ACTR3C: variants seen among roughly 807,000 people sequenced by gnomAD.
ACTR3C encodes the protein actin-related protein 3C.
A neutral mutation model predicts 26.3 loss-of-function variants in ACTR3C; 18 were observed. The observed-to-expected ratio is 0.68, with a 90% CI of 0.47 to 1.01. The LOEUF (loss-of-function observed/expected upper bound fraction) is 1.01, where lower values mean the gene tolerates loss of function less well. Among genes scored for constraint, ACTR3C ranks in the 50% least tolerant of loss-of-function variants. ACTR3C has a pLI of 0.00. For synonymous variants in ACTR3C, 55 were observed against 94.5 expected (o/e 0.58, Z 2.42); for missense variants, 184 against 250.7 (o/e 0.73, Z 1.80).
the ACTR3C span, among the ~76,000 whole-genome samples, chr7:149,934,792 C>T: frequency 1.4e-5 from 2 of 142,380 alleles, no homozygotes; most frequent in East Asian, 2.1e-4. Flanking sequence ...CTCTGAGTTT[C>T]GAGATGAACC....
the ACTR3C span, among the ~76,000 whole-genome samples, chr7:149,947,730 T>A: frequency 7.0e-6 from 1 of 142,498 alleles, no homozygotes; most frequent in African/African-American, 3.0e-5. Flanking sequence ...GTAAAGGCAC[T>A]GCAATTGTTC....
chr7:150,163,153 C>CA, the ACTR3C span, among the ~76,000 whole-genome samples: 2,493 of 131,252 alleles, frequency 0.019, 51 homozygotes, highest in African/African-American at 0.066. Context: ...GACTCAGTCT[C>CA]AAAAAAAAGA....
chr7:150,323,243 G>A, intron 1 of ACTR3C: 2 of 239,992 alleles, frequency 8.3e-6, no homozygotes, highest in South Asian at 8.0e-5. Flanking sequence ...GCGAGGCGGG[G>A]GGTGCGCGCG....
intron 1 of ACTR3C, among the ~76,000 whole-genome samples, chr7:150,299,488 A>AACG (rs1563196687): frequency 6.9e-6 from 1 of 144,148 alleles, no homozygotes; most frequent in African/African-American, 2.8e-5. Context: ...AAAAAAAAAA[A>AACG]AAAAAACAAA....
At chr7:149,974,527 C>T in the ACTR3C span, among the ~76,000 whole-genome samples, 20 of 152,192 alleles carry the variant, frequency 1.3e-4, no homozygotes, top group African/African-American at 4.1e-4. Context: ...TACATTTCCA[C>T]GTCACCACTG....
At chr7:150,085,000 G>C in the ACTR3C span, among the ~76,000 whole-genome samples, 2 of 152,130 alleles carry the variant, frequency 1.3e-5, no homozygotes, top group Non-Finnish European at 2.9e-5. Context: ...GGTTAAATGA[G>C]GTGAAAGGGA....
At chr7:150,003,369 T>A in the ACTR3C span, among the ~76,000 whole-genome samples, 1 of 116 alleles carries the variant, frequency 8.6e-3, no homozygotes, top group Admixed American at 0.083. Context: ...GTGTGTGCTG[T>A]GTGTGTGATG....
At chr7:150,135,284 A>C in the ACTR3C span, among the ~76,000 whole-genome samples, 1 of 152,272 alleles carries the variant, frequency 6.6e-6, no homozygotes, top group African/African-American at 2.4e-5. Flanking sequence ...AAAATAAAAA[A>C]TAAAAAATAA....
chr7:149,952,107 T>C, the ACTR3C span, among the ~76,000 whole-genome samples: 2 of 151,410 alleles, frequency 1.3e-5, no homozygotes, highest in African/African-American at 4.9e-5. Flanking sequence ...TATAAGGATG[T>C]CAGTTTTGTT....
chr7:150,054,639 A>G, the ACTR3C span, among the ~76,000 whole-genome samples: 1 of 152,244 alleles, frequency 6.6e-6, no homozygotes, highest in Admixed American at 6.5e-5. Context: ...ATCACAGTTA[A>G]CCAGCAGAAA....
the ACTR3C span, among the ~76,000 whole-genome samples, chr7:149,920,190 G>C: frequency 6.6e-6 from 1 of 152,068 alleles, no homozygotes; most frequent in Non-Finnish European, 1.5e-5. Context: ...TTTCAGTGAG[G>C]TTTATGAATG....
the ACTR3C span, among the ~76,000 whole-genome samples, chr7:149,915,516 T>TG: frequency 1.4e-4 from 4 of 28,274 alleles, no homozygotes; most frequent in Admixed American, 1.3e-3. Flanking sequence ...GAGTCCATTT[T>TG]GTTTTTTTTG....
At chr7:150,232,265 A>T in the ACTR3C span, among the ~76,000 whole-genome samples, 1 of 152,122 alleles carries the variant, frequency 6.6e-6, no homozygotes, top group Admixed American at 6.5e-5. Context: ...CTATATTTCC[A>T]ATGAGTTTCC....
chr7:150,016,553 T>G, the ACTR3C span, among the ~76,000 whole-genome samples: 2 of 152,054 alleles, frequency 1.3e-5, no homozygotes, highest in African/African-American at 4.8e-5. Flanking sequence ...AAGACGGGTA[T>G]GGATATTTCC....
the ACTR3C span, among the ~76,000 whole-genome samples, chr7:149,979,130 G>A: frequency 6.6e-5 from 10 of 152,210 alleles, no homozygotes; most frequent in Admixed American, 3.3e-4. Flanking sequence ...TTTAGCAAAT[G>A]ATCAGTTAAT....
the ACTR3C span, among the ~76,000 whole-genome samples, chr7:150,022,074 C>T: frequency 2.8e-4 from 42 of 151,872 alleles, no homozygotes; most frequent in Admixed American, 1.2e-3. Flanking sequence ...TACTAGTTTA[C>T]ATTCCTACAA....
chr7:150,068,641 G>T, the ACTR3C span, among the ~76,000 whole-genome samples: 11 of 150,206 alleles, frequency 7.3e-5, no homozygotes, highest in East Asian at 2.2e-3. Flanking sequence ...AAAATAGGCG[G>T]GTGTGGTGGC....
the ACTR3C span, among the ~76,000 whole-genome samples, chr7:150,154,927 A>G: frequency 6.6e-6 from 1 of 152,150 alleles, no homozygotes; most frequent in African/African-American, 2.4e-5. Flanking sequence ...ACATTTCCTC[A>G]GATGTGGAAA....
At chr7:150,150,009 G>A in the ACTR3C span, among the ~76,000 whole-genome samples, 6 of 152,220 alleles carry the variant, frequency 3.9e-5, no homozygotes, top group South Asian at 6.2e-4. Context: ...ACAATGAAAT[G>A]CACCTGCTGC....
Sources: gnomAD v4.1 joint callset for allele counts (sites outside exome capture counted in the v4.1 genomes callset) on GRCh38, gnomAD v4.1.1 for gene constraint, MANE v1.5 for transcripts, NCBI Gene and HGNC (gene_info 2026-07-23, HGNC 2026-07-21) for gene names.